CNTN5: variants seen among roughly 807,000 people sequenced by gnomAD.
CNTN5 encodes contactin 5, also known as contactin-5.
Under a neutral mutation model 129.1 loss-of-function variants are expected in CNTN5, and 77 were observed. The ratio of observed to expected loss-of-function variants is 0.60; its 90% CI spans 0.50 to 0.72. The LOEUF (loss-of-function observed/expected upper bound fraction) is 0.72. CNTN5 is among the 30% of genes least tolerant of loss of function. The probability of loss-of-function intolerance (pLI) is 0.00; values close to 1 mark genes in which losing one functional copy is unlikely to be tolerated. For missense variants in CNTN5, 1,478 were observed against 1,328.8 expected, an observed-to-expected ratio of 1.11 and a Z score of -1.75; for synonymous variants, 509 against 465.6, an observed-to-expected ratio of 1.09 and a Z score of -1.20.
At chr11:99,736,647 T>C (rs921752285) in intron 3 of CNTN5, among the ~76,000 whole-genome samples, 3 of 152,180 alleles carry the variant, frequency 2.0e-5, no homozygotes, top group African/African-American at 7.2e-5. Context: ...CAGTTAACCA[T>C]GTATGTGAGA....
chr11:100,081,384 A>C (rs1475165079), intron 13 of CNTN5, among the ~76,000 whole-genome samples: 1 of 152,280 alleles, frequency 6.6e-6, no homozygotes, highest in East Asian at 1.9e-4. Flanking sequence ...AATGAAGTCA[A>C]TTAAGAAACC....
intron 6 of CNTN5, among the ~76,000 whole-genome samples, chr11:99,868,117 GA>G (rs1351277754): frequency 6.6e-6 from 1 of 151,978 alleles, no homozygotes; most frequent in African/African-American, 2.4e-5. Context: ...TCGGGAAGAT[GA>G]GGCAGGAGAA....
intron 13 of CNTN5, among the ~76,000 whole-genome samples, chr11:100,083,950 C>T (rs117298015): frequency 0.011 from 1,611 of 152,072 alleles, 19 homozygotes; most frequent in Non-Finnish European, 0.018. Context: ...AGTCTCAACT[C>T]CCAACGAGAG....
chr11:99,772,579 C>T (rs964344109), intron 3 of CNTN5, among the ~76,000 whole-genome samples: 9 of 152,022 alleles, frequency 5.9e-5, no homozygotes, highest in Non-Finnish European at 1.3e-4. Context: ...AGAAAACAGC[C>T]TTGTCTAATA....
At chr11:99,361,020 A>C (rs1939073054) in intron 2 of CNTN5, among the ~76,000 whole-genome samples, 2 of 152,222 alleles carry the variant, frequency 1.3e-5, no homozygotes, top group South Asian at 4.1e-4. Flanking sequence ...TCCATAAAGC[A>C]GTAGGATACA....
intron 4 of CNTN5, among the ~76,000 whole-genome samples, chr11:99,821,426 G>A (rs1946797788): frequency 6.6e-6 from 1 of 152,056 alleles, no homozygotes; most frequent in South Asian, 2.1e-4. Flanking sequence ...AGAAAAGAAA[G>A]AAAATCTGGT....
At chr11:100,084,270 A>G (rs1460359580) in intron 13 of CNTN5, among the ~76,000 whole-genome samples, 4 of 152,074 alleles carry the variant, frequency 2.6e-5, no homozygotes, top group Non-Finnish European at 4.4e-5. Context: ...TGTCCTTAAT[A>G]CAAACAGCAT....
At chr11:99,713,449 G>T (rs1955086352) in intron 3 of CNTN5, among the ~76,000 whole-genome samples, 2 of 151,890 alleles carry the variant, frequency 1.3e-5, no homozygotes, top group Admixed American at 1.3e-4. Context: ...CAAACAGAGA[G>T]AATTTGACTT....
chr11:100,271,529 C>T (rs991898648), intron 18 of CNTN5, among the ~76,000 whole-genome samples: 6 of 152,132 alleles, frequency 3.9e-5, no homozygotes, highest in African/African-American at 1.4e-4. Context: ...ATTTATTCTT[C>T]TAATAATATA....
intron 13 of CNTN5, among the ~76,000 whole-genome samples, chr11:100,118,913 T>C (rs1357887781): frequency 6.6e-6 from 1 of 151,874 alleles, no homozygotes; most frequent in Non-Finnish European, 1.5e-5. Flanking sequence ...TCAAATTACA[T>C]TGTTTACCTA....
intron 1 of CNTN5, among the ~76,000 whole-genome samples, chr11:99,318,916 GT>G (rs1865453035): frequency 6.6e-6 from 1 of 152,136 alleles, no homozygotes; most frequent in Admixed American, 6.6e-5. Flanking sequence ...AAATATGAAG[GT>G]TTGGTATTAA....
At chr11:99,507,998 A>G (rs1240437199) in intron 2 of CNTN5, among the ~76,000 whole-genome samples, 2 of 152,222 alleles carry the variant, frequency 1.3e-5, no homozygotes, top group Non-Finnish European at 2.9e-5. Context: ...TTCATTACAG[A>G]GCAACATCAG....
intron 3 of CNTN5, among the ~76,000 whole-genome samples, chr11:99,817,701 A>T (rs946173033): frequency 1.3e-5 from 2 of 151,188 alleles, no homozygotes; most frequent in Non-Finnish European, 2.9e-5. Flanking sequence ...AGAAACTACA[A>T]CTACAAACTA....
In CNTN5 at chr11:99,793,898, G is replaced by C. The variant is rs556206706; in HGVS notation, c.56-25646G>C. 6.6e-5 allele frequency among the ~76,000 whole-genome samples: 10 copies of C among 152,304 alleles called. No homozygotes were observed. In the South Asian group the frequency reaches 8.3e-4, roughly 13 times the overall value. The stretch of plus-strand genomic sequence containing the variant: ...GAAGAATACATAATCTATTGTTTTT[G>C]TATGGAGAGTTCTGTAGATGCCTAT... On this transcript the variant is annotated intron_variant, in intron 3 of 24. Coordinates refer to ENST00000524871, the MANE Select transcript of CNTN5 (RefSeq NM_014361.4).
chr11:99,319,123 C>T (rs774030135), intron 1 of CNTN5, among the ~76,000 whole-genome samples: 15 of 152,108 alleles, frequency 9.9e-5, no homozygotes, highest in Non-Finnish European at 2.2e-4. Flanking sequence ...ATCTTGACAT[C>T]AGTAGCACTG....
At chr11:99,475,968 T>C (rs1298605298) in intron 2 of CNTN5, among the ~76,000 whole-genome samples, 1 of 152,098 alleles carries the variant, frequency 6.6e-6, no homozygotes, top group Non-Finnish European at 1.5e-5. Context: ...CCAGGCTTCA[T>C]CTGATCTTTG....
In CNTN5 at chr11:100,241,035, A is replaced by G. The variant is rs542329457; in HGVS notation, c.2006-14725A>G. ...AGTAAACCCAATATTGGATTTATAG[A>G]AAACTTTGTACAAACATGGTACTTT... is the stretch of plus-strand genomic sequence containing the variant. On this transcript the variant is annotated intron_variant, in intron 16 of 24. Coordinates refer to ENST00000524871, the MANE Select transcript of CNTN5 (RefSeq NM_014361.4). Among the ~76,000 whole-genome samples, 6 of 152,312 alleles carry G rather than the reference A, an allele frequency of 3.9e-5. No homozygotes were observed. The East Asian group carries it at 9.7e-4, about 25-fold the overall frequency.
intron 9 of CNTN5, among the ~76,000 whole-genome samples, chr11:100,046,445 A>T (rs755235066): frequency 2.0e-5 from 3 of 152,184 alleles, no homozygotes; most frequent in Non-Finnish European, 2.9e-5. Context: ...TGATGCATAG[A>T]TATATATTTT....
chr11:99,584,020 C>A (rs953680960), intron 3 of CNTN5, among the ~76,000 whole-genome samples: 2 of 152,054 alleles, frequency 1.3e-5, no homozygotes, highest in African/African-American at 4.8e-5. Flanking sequence ...TAAGTAACAG[C>A]CATCATTATA....
Sources: allele counts gnomAD v4.1 joint callset (sites outside exome capture counted in the v4.1 genomes callset), GRCh38; gene constraint gnomAD v4.1.1; transcripts MANE v1.5; gene names NCBI Gene and HGNC (gene_info 2026-07-23, HGNC 2026-07-21).